The following NFATC1 variants were observed in gnomAD, a reference collection of about 807,000 sequenced individuals.
NFATC1 encodes nuclear factor of activated T cells 1.
In NFATC1, 22 loss-of-function variants were observed where a neutral mutation model predicts 76.0. The ratio of observed to expected loss-of-function variants is 0.29; its 90% CI spans 0.21 to 0.41. NFATC1 has a LOEUF of 0.41. Among genes scored for constraint, NFATC1 ranks in the 10% least tolerant of loss-of-function variants. The probability of loss-of-function intolerance (pLI) is 1.00; values close to 1 mark genes in which losing one functional copy is unlikely to be tolerated. For missense variants in NFATC1, 1,357 were observed against 1,337.7 expected, an observed-to-expected ratio of 1.01 and a Z score of -0.23; for synonymous variants, 704 against 613.1, an observed-to-expected ratio of 1.15 and a Z score of -2.19.
chr18:79,489,708 C>G (rs1001697987), intron 9 of NFATC1, among the ~76,000 whole-genome samples: 3 of 152,206 alleles, frequency 2.0e-5, no homozygotes, highest in African/African-American at 7.2e-5. Flanking sequence ...GCCCACCAAC[C>G]ACAGTCATCT....
chr18:79,416,149 C>T (rs1334838490), intron 2 of NFATC1, among the ~76,000 whole-genome samples: 1 of 152,242 alleles, frequency 6.6e-6, no homozygotes, highest in Non-Finnish European at 1.5e-5. Context: ...CACTTTTCTG[C>T]TATGCATAGT....
intron 6 of NFATC1, among the ~76,000 whole-genome samples, chr18:79,457,641 G>A (rs1448490801): frequency 6.6e-6 from 1 of 152,078 alleles, no homozygotes. Flanking sequence ...ATAATTATGC[G>A]GCCACCACCA....
chr18:79,484,027 G>A (rs938090355), intron 8 of NFATC1, among the ~76,000 whole-genome samples: 1 of 148,722 alleles, frequency 6.7e-6, no homozygotes, highest in Non-Finnish European at 1.5e-5. Context: ...AACGTGACCT[G>A]GTTCCTGGGG....
chr18:79,400,101 CAA>C (rs1242947585), intron 1 of NFATC1, among the ~76,000 whole-genome samples: 2 of 150,266 alleles, frequency 1.3e-5, no homozygotes, highest in Non-Finnish European at 1.5e-5. Flanking sequence ...CCCCAGGGCA[CAA>C]GAGGCCGGGG....
At chr18:79,490,501 C>T (rs116382544) in intron 9 of NFATC1, among the ~76,000 whole-genome samples, 157 of 152,216 alleles carry the variant, frequency 1.0e-3, no homozygotes, top group African/African-American at 3.7e-3. Flanking sequence ...CTGACATTGC[C>T]GCCACCCTGG....
chr18:79,452,354 C>T (rs2087511813), intron 6 of NFATC1, among the ~76,000 whole-genome samples: 1 of 152,220 alleles, frequency 6.6e-6, no homozygotes, highest in African/African-American at 2.4e-5. Flanking sequence ...CAGGTCACCC[C>T]TGCCTCCAGG....
chr18:79,397,426 G>A (rs1375936655), intron 1 of NFATC1, among the ~76,000 whole-genome samples: 1 of 105,138 alleles, frequency 9.5e-6, no homozygotes, highest in Non-Finnish European at 2.2e-5. Context: ...TGAGAACCGG[G>A]CTCCCCCAGC....
chr18:79,461,453 G>A (rs879204500), intron 7 of NFATC1, 87 bp downstream of exon 7: 1 of 902,746 alleles, frequency 1.1e-6, no homozygotes, highest in Non-Finnish European at 1.5e-6. Flanking sequence ...GGGTCCCCAG[G>A]CCTTGGGAGG....
In NFATC1 at chr18:79,486,226, AT is replaced by A. The variant is rs371231302; in HGVS notation, c.2093-12del. 3.1e-3 allele frequency: 4,632 copies of A among 1,514,476 alleles called. 86 individuals carry two copies. In the African/African-American group the frequency reaches 0.044, roughly 14 times the overall value. The allele number at this position is 1,514,476 out of a possible 1,614,324, so 93.8% of individuals were successfully genotyped here. ...CTCATTCGCAACTTGTGTTTATTTA[AT>A]TTTTTTTTTCCTTCTCACAGTTCCA... is the stretch of plus-strand genomic sequence containing the variant. On this transcript the variant is annotated intron_variant, in intron 8 of 9. Transcript: ENST00000427363.
intron 2 of NFATC1, among the ~76,000 whole-genome samples, chr18:79,428,133 C>A (rs149734457): frequency 1.3e-5 from 2 of 151,902 alleles, no homozygotes; most frequent in African/African-American, 2.4e-5. Flanking sequence ...CGTCTGGCTT[C>A]TGTGCGGTGC....
At position 79,411,523 on chromosome 18, in the gene NFATC1, G is replaced by A. The variant is rs540117854; in HGVS notation, c.1226+22G>A. The A allele has an allele frequency of 1.9e-4, 272 of 1,425,546 alleles. 1 individual carries two copies. In the East Asian group the frequency reaches 7.1e-3, roughly 37 times the overall value. The allele number at this position is 1,425,546 out of a possible 1,614,324, so 88.3% of individuals were successfully genotyped here. ...TGAGGTGAGCCGGCAGCGCGGGGCGGGACGGGGAGGCGAGGGGAGGCGCGG... is the reference window on the plus strand; with the variant it reads ...TGAGGTGAGCCGGCAGCGCGGGGCGAGACGGGGAGGCGAGGGGAGGCGCGG... On this transcript the variant is annotated intron_variant, in intron 2 of 9. Transcript: ENST00000427363.
intron 9 of NFATC1, among the ~76,000 whole-genome samples, chr18:79,514,323 C>T (rs1359948436): frequency 1.3e-5 from 2 of 151,852 alleles, no homozygotes; most frequent in Admixed American, 6.6e-5. Flanking sequence ...ACCTGTGGTC[C>T]CAGCTACTTG....
chr18:79,439,125 A>T (rs2086881851), intron 3 of NFATC1, among the ~76,000 whole-genome samples: 1 of 152,116 alleles, frequency 6.6e-6, no homozygotes, highest in South Asian at 2.1e-4. Flanking sequence ...TGGACAGATT[A>T]CCACAGCACG....
intron 5 of NFATC1, 116 bp downstream of exon 5, chr18:79,451,242 C>T: frequency 7.9e-7 from 1 of 1,265,104 alleles, no homozygotes; most frequent in East Asian, 2.4e-5. Context: ...CGGTTCCCAC[C>T]AAACCCACCA....
intron 1 of NFATC1, among the ~76,000 whole-genome samples, chr18:79,402,577 G>C (rs1167174071): frequency 6.6e-6 from 1 of 152,188 alleles, no homozygotes; most frequent in African/African-American, 2.4e-5. Context: ...CTGTGTCCTT[G>C]CCCCTCCAGA....
intron 3 of NFATC1, among the ~76,000 whole-genome samples, chr18:79,442,352 C>T (rs2087012518): frequency 6.6e-6 from 1 of 152,234 alleles, no homozygotes; most frequent in Non-Finnish European, 1.5e-5. Context: ...GCCTCTGCTG[C>T]CTTCGTGCAG....
intron 9 of NFATC1, among the ~76,000 whole-genome samples, chr18:79,508,814 TCTCC>T: frequency 6.6e-6 from 1 of 151,664 alleles, no homozygotes; most frequent in East Asian, 1.9e-4. Flanking sequence ...TCTCTCTCTC[TCTCC>T]ATCTCCCTCC....
In NFATC1 at chr18:79,436,990, G is replaced by A. The variant is rs534536937; in HGVS notation, c.1386+3252G>A. 9.3e-4 allele frequency among the ~76,000 whole-genome samples: 141 copies of A among 152,254 alleles called. 1 individual carries two copies. Among genetic ancestry groups the A allele is most frequent in the South Asian group, 2.1e-3 (10 of 4,828 alleles). Reference sequence around the variant, plus strand: ...CGCACCCTGAGGCCACCCCCATTACGGCTGCCACGGCGCTAAAAACACCAG... The same window carrying A: ...CGCACCCTGAGGCCACCCCCATTACAGCTGCCACGGCGCTAAAAACACCAG... On this transcript the variant is annotated intron_variant, in intron 3 of 9. Coordinates refer to ENST00000427363, the MANE Select transcript of NFATC1 (RefSeq NM_001278669.2).
intron 2 of NFATC1, among the ~76,000 whole-genome samples, chr18:79,419,149 G>A (rs561650549): frequency 6.6e-6 from 1 of 152,192 alleles, no homozygotes; most frequent in East Asian, 1.9e-4. Context: ...TCAGCCTGCC[G>A]AGTAGCTGGG....
Sources: allele counts gnomAD v4.1 joint callset (sites outside exome capture counted in the v4.1 genomes callset), GRCh38; gene constraint gnomAD v4.1.1; transcripts MANE v1.5; gene names NCBI Gene and HGNC (gene_info 2026-07-23, HGNC 2026-07-21).